The following NF1 variants were observed in gnomAD, a reference collection of about 807,000 sequenced individuals.
The protein encoded by NF1 is neurofibromin.
A neutral mutation model predicts 325.7 loss-of-function variants in NF1; 122 were observed. The ratio of observed to expected loss-of-function variants is 0.37; its 90% CI spans 0.32 to 0.44. The LOEUF is 0.44. NF1 is among the 20% of genes least tolerant of loss of function. The pLI, the probability that NF1 is intolerant of heterozygous loss-of-function variation, is 1.00. For synonymous variants in NF1, 1,091 were observed against 1,186.0 expected (o/e 0.92, Z 1.65); for missense variants, 2,140 against 3,415.4 (o/e 0.63, Z 9.31).
intron 36 of NF1, chr17:31,304,598 G>A: frequency 6.2e-7 from 1 of 1,614,120 alleles, no homozygotes; most frequent in Non-Finnish European, 8.5e-7. Context: ...GGTGGAGGCA[G>A]ATCTGCATCA....
rs771757639 is a variant in NF1, at chr17:31,305,040, A to T, written c.4836-20780A>T. 6.2e-7 allele frequency: 1 copy of T among 1,614,188 alleles called. No homozygotes were observed. Among genetic ancestry groups the T allele is most frequent in the African/African-American group, 1.3e-5 (1 of 75,048 alleles). On this transcript the variant is annotated intron_variant, in intron 36 of 57. Coordinates refer to ENST00000358273, the MANE Select transcript of NF1 (RefSeq NM_001042492.3). ...TGTTTTTTTGTGGGGTTTGTTTGTT[A>T]CTGGTAGTATCTAAGATAAATCCTG...
At chr17:31,211,423 C>T (rs1287139205) in intron 12 of NF1, among the ~76,000 whole-genome samples, 1 of 152,180 alleles carries the variant, frequency 6.6e-6, no homozygotes, top group African/African-American at 2.4e-5. Context: ...ACAGAATTTA[C>T]ATGTTGATAT....
At chr17:31,143,669 A>G (rs957757775) in intron 1 of NF1, among the ~76,000 whole-genome samples, 1 of 152,176 alleles carries the variant, frequency 6.6e-6, no homozygotes, top group African/African-American at 2.4e-5. Flanking sequence ...GATTTGAAAT[A>G]CCACCTTTAT....
intron 36 of NF1, chr17:31,297,005 T>TA (rs2068481325): frequency 1.3e-5 from 2 of 152,198 alleles, no homozygotes; most frequent in African/African-American, 4.8e-5. Flanking sequence ...ACTGAATGTA[T>TA]AAAAAATATC....
chr17:31,294,889 G>T, intron 36 of NF1: 1 of 1,342,196 alleles, frequency 7.5e-7, no homozygotes. Flanking sequence ...AGTTAGAAAT[G>T]TTAAGACTGG....
intron 13 of NF1, among the ~76,000 whole-genome samples, chr17:31,218,737 A>G (rs1266806247): frequency 6.6e-6 from 1 of 151,910 alleles, no homozygotes; most frequent in African/African-American, 2.4e-5. Flanking sequence ...ACGCCTGGCT[A>G]ATTTTTATAT....
intron 4 of NF1, 118 bp downstream of exon 4, chr17:31,163,494 G>A: frequency 8.9e-7 from 1 of 1,120,416 alleles, no homozygotes. Flanking sequence ...TTTGAGACAA[G>A]TTCTTTTGCC....
intron 5 of NF1, among the ~76,000 whole-genome samples, chr17:31,176,779 G>T (rs925424653): frequency 1.3e-5 from 2 of 152,154 alleles, no homozygotes; most frequent in Non-Finnish European, 2.9e-5. Context: ...TTTCCCCATT[G>T]CTTGTTTTTG....
intron 1 of NF1, chr17:31,138,248 C>G (rs963631038): frequency 6.6e-6 from 1 of 151,656 alleles, no homozygotes; most frequent in African/African-American, 2.4e-5. Context: ...TCTTCCAACT[C>G]TTTAATGTTT....
chr17:31,126,933 A>G (rs1350202684), intron 1 of NF1, among the ~76,000 whole-genome samples: 9 of 152,162 alleles, frequency 5.9e-5, no homozygotes, highest in Admixed American at 5.9e-4. Flanking sequence ...TTTGCTTTTC[A>G]CTTTTACATT....
chr17:31,139,375 G>C (rs865774251), intron 1 of NF1, among the ~76,000 whole-genome samples: 10 of 144,164 alleles, frequency 6.9e-5, no homozygotes, highest in South Asian at 2.3e-4. Context: ...GTTTTACACA[G>C]ACACACACAC....
At chr17:31,123,446 T>C (rs1013212202) in intron 1 of NF1, among the ~76,000 whole-genome samples, 1 of 152,206 alleles carries the variant, frequency 6.6e-6, no homozygotes, top group East Asian at 1.9e-4. Context: ...TTCAGAAATT[T>C]GGTTGATGGC....
intron 1 of NF1, among the ~76,000 whole-genome samples, chr17:31,154,793 G>A (rs1423576187): frequency 2.1e-5 from 3 of 143,554 alleles, no homozygotes; most frequent in South Asian, 2.2e-4. Context: ...AGGCTGGAGT[G>A]CAGTGGCGTA....
At chr17:31,248,663 T>C (rs530647944) in intron 29 of NF1, among the ~76,000 whole-genome samples, 1 of 152,146 alleles carries the variant, frequency 6.6e-6, no homozygotes, top group Admixed American at 6.5e-5. Context: ...GCCTCCTGAG[T>C]AGCTGGGATT....
At chr17:31,326,476 C>T (rs775338175) in intron 37 of NF1, among the ~76,000 whole-genome samples, 6 of 152,010 alleles carry the variant, frequency 3.9e-5, no homozygotes, top group South Asian at 2.1e-4. Context: ...GGTGAAACCC[C>T]GTCTCTACTA....
intron 47 of NF1, 112 bp downstream of exon 47, chr17:31,340,757 T>C (rs2069798971): frequency 3.6e-6 from 4 of 1,110,982 alleles, no homozygotes; most frequent in Non-Finnish European, 5.3e-6. Context: ...AAGTAGGAAT[T>C]TGTATAATGT....
chr17:31,177,878 C>T (rs2066052509), intron 5 of NF1, among the ~76,000 whole-genome samples: 1 of 151,898 alleles, frequency 6.6e-6, no homozygotes, highest in Admixed American at 6.6e-5. Context: ...TGTGAAAAGA[C>T]CAAATCTACA....
intron 8 of NF1, among the ~76,000 whole-genome samples, chr17:31,196,050 A>G (rs2066428489): frequency 6.6e-6 from 1 of 152,054 alleles, no homozygotes; most frequent in Admixed American, 6.5e-5. Context: ...TTTGCTAGAA[A>G]ATATATATTT....
intron 36 of NF1, among the ~76,000 whole-genome samples, chr17:31,309,623 A>G (rs1460257824): frequency 6.6e-6 from 1 of 152,220 alleles, no homozygotes; most frequent in Non-Finnish European, 1.5e-5. Context: ...GTCTTTAGCC[A>G]AAAATGTTTC....
Sources: gnomAD v4.1 joint callset for allele counts (sites outside exome capture counted in the v4.1 genomes callset) on GRCh38, gnomAD v4.1.1 for gene constraint, MANE v1.5 for transcripts, NCBI Gene and HGNC (gene_info 2026-07-23, HGNC 2026-07-21) for gene names.